Variants in TSC2 observed in about 807,000 individuals in gnomAD.
TSC2 encodes the protein TSC complex subunit 2, also known as tuberin.
Under a neutral mutation model 202.2 loss-of-function variants are expected in TSC2, and 29 were observed. The observed-to-expected ratio is 0.14, with a 90% CI of 0.11 to 0.20. TSC2 has a LOEUF of 0.20. TSC2 is among the 10% of genes least tolerant of loss of function. The pLI is 1.00. For missense variants in TSC2, 2,429 were observed against 2,420.0 expected (o/e 1.00, Z -0.08); for synonymous variants, 1,349 against 1,044.0 (o/e 1.29, Z -5.63).
rs2085660429 is a variant in TSC2 at position 2,055,442 on chromosome 16, G to A, written c.522G>A (p.Ser174=). ...AGTGGATGGATGTTGGCTTGTCCTC[G>A]GAATTCCTTCTGGTGCTGGTGAACT... ...VLQWMDVGLS[S]EFLLVLVNLV... The change falls in exon 6 of 42, where the codon TCG becomes TCA. Residue 174 remains serine, a synonymous_variant. Coordinates refer to ENST00000219476, the MANE Select transcript of TSC2 (RefSeq NM_000548.5). 6 of 1,614,070 alleles carry A rather than the reference G, an allele frequency of 3.7e-6. No individual in the cohort carries two copies. The highest frequency in any genetic ancestry group is 2.2e-5 in the East Asian group (1 of 44,892).
In TSC2 at chr16:2,077,537, G is replaced by A; in HGVS notation, c.2838-61G>A. 1.3e-5 allele frequency: 21 copies of A among 1,608,780 alleles called. No individual in the cohort carries two copies. The South Asian group carries it at 1.9e-4, about 14-fold the overall frequency. The stretch of plus-strand genomic sequence containing the variant: ...TTCCTCCTCACCCCTCCACTGGCTT[G>A]TTCTCCCCTTCCCGGGAGCTGGGCT... On this transcript the variant is annotated intron_variant, in intron 25 of 41. Coordinates refer to ENST00000219476, the MANE Select transcript of TSC2 (RefSeq NM_000548.5).
rs2086781035 is a variant in TSC2 at position 2,062,602 on chromosome 16, TA to T, written c.1361+3del. On this transcript the variant is annotated splice_donor_region_variant and intron_variant, in intron 13 of 41. Coordinates refer to ENST00000219476, the MANE Select transcript of TSC2 (RefSeq NM_000548.5). ...GGCGCTGATGGAGAGATTCTTCAGG[TA>T]GGGGGTCCTCTGTAGCCTTGCCTGG... The T allele has an allele frequency of 6.2e-7, 1 of 1,603,486 alleles. No homozygotes were observed. The highest frequency in any genetic ancestry group is 8.5e-7 in the Non-Finnish European group (1 of 1,174,638).
Position 2,080,147 on chromosome 16 carries a change from C to G in TSC2, c.3398-18C>G, listed in dbSNP as rs772159760. On this transcript the variant is annotated intron_variant, in intron 29 of 41. Transcript: ENST00000219476. ...ATCAGGTAAGTGGTGGTCACCAGTC[C>G]TCTGCCCTCTTCTTCAGGGGGCCAT... is the stretch of plus-strand genomic sequence containing the variant. 4 of 1,612,834 alleles carry G rather than the reference C, an allele frequency of 2.5e-6. No homozygotes were observed. Among genetic ancestry groups the G allele is most frequent in the Admixed American group, 1.7e-5 (1 of 60,036 alleles).
chr16:2,058,991 C>T, intron 10 of TSC2, 118 bp downstream of exon 10: 1 of 1,498,492 alleles, frequency 6.7e-7, no homozygotes, highest in South Asian at 1.2e-5. Context: ...CTAGGCCTTT[C>T]CAGGCAGTTG....
intron 19 of TSC2, 133 bp downstream of exon 19, chr16:2,072,067 C>G (rs1410436446): frequency 1.4e-5 from 21 of 1,480,812 alleles, no homozygotes; most frequent in Admixed American, 4.3e-5. Context: ...AGCCTTCCCC[C>G]TTCCCCGAGC....
chr16:2,050,593 T>G, intron 3 of TSC2, 107 bp downstream of exon 3: 1 of 869,134 alleles, frequency 1.2e-6, no homozygotes, highest in South Asian at 1.6e-5. Context: ...ATGATCTGGT[T>G]TGCACTTTTT....
chr16:2,065,784 A>G (rs2087268194), intron 16 of TSC2, 149 bp downstream of exon 16: 1 of 724,248 alleles, frequency 1.4e-6, no homozygotes, highest in African/African-American at 1.7e-5. Context: ...CAGGCAGCAG[A>G]ACCTTCCTCC....
intron 21 of TSC2, 100 bp downstream of exon 21, chr16:2,073,083 AGGCCAGGGATGAGTGAGTT>A (rs2088728782): frequency 6.4e-7 from 1 of 1,566,836 alleles, no homozygotes; most frequent in African/African-American, 1.4e-5. Flanking sequence ...AGTTTCTGCC[AGGCCAGGGATGAGTGAGTT>A]GGCTCTGCTT....
chr16:2,088,683 C>G lies in TSC2; in HGVS notation c.*73C>G. 6.6e-7 allele frequency: 1 copy of G among 1,522,338 alleles called. No individual in the cohort carries two copies. Among genetic ancestry groups the G allele is most frequent in the East Asian group, 2.4e-5 (1 of 41,034 alleles). 94.3% of individuals were successfully genotyped at this position (1,522,338 alleles called of 1,614,324 possible). Reference sequence around the variant, plus strand: ...AGTGAAATAAATAAAGTCCTGACCCCAGTGCACAGACATAGAGGCACAGAT... The same window carrying G: ...AGTGAAATAAATAAAGTCCTGACCCGAGTGCACAGACATAGAGGCACAGAT... On this transcript the variant is annotated 3_prime_UTR_variant, in exon 42 of 42. Coordinates refer to ENST00000219476, the MANE Select transcript of TSC2 (RefSeq NM_000548.5).
intron 1 of TSC2, 112 bp from the exon 2 acceptor site, chr16:2,048,475 A>G: frequency 7.4e-7 from 1 of 1,348,928 alleles, no homozygotes; most frequent in Non-Finnish European, 1.0e-6. Context: ...GGAGTGTGGG[A>G]GGAAAGGTTA....
At chr16:2,062,834 TG>T in intron 13 of TSC2, 137 bp from the exon 14 acceptor site, 1 of 1,047,038 alleles carries the variant, frequency 9.6e-7, no homozygotes, top group Non-Finnish European at 1.4e-6. Context: ...AGATGCTCCC[TG>T]GGAAGCAGAG....
At chr16:2,062,677 C>A (rs1472535760) in intron 13 of TSC2, 77 bp downstream of exon 13, 2 of 1,441,106 alleles carry the variant, frequency 1.4e-6, no homozygotes, top group East Asian at 2.5e-5. Flanking sequence ...CGGGCTGGGT[C>A]TCAGGATGCC....
intron 12 of TSC2, among the ~76,000 whole-genome samples, 190 bp downstream of exon 12, chr16:2,062,198 A>C (rs2151159822): frequency 6.6e-6 from 1 of 152,320 alleles, no homozygotes; most frequent in East Asian, 1.9e-4. Context: ...GGGCTAGCCC[A>C]CCCATCAGTT....
chr16:2,074,103 G>A (rs551174907), intron 21 of TSC2, 97 bp from the exon 22 acceptor site: 31 of 1,516,384 alleles, frequency 2.0e-5, no homozygotes, highest in African/African-American at 1.8e-4. Context: ...GCTAAGCCTC[G>A]GCTGTTCTCC....
chr16:2,088,652 C>T lies in TSC2; in HGVS notation c.*42C>T, dbSNP rs1567136020. 2 of 1,575,382 alleles carry T rather than the reference C, an allele frequency of 1.3e-6. No individual in the cohort carries two copies. Among genetic ancestry groups the T allele is most frequent in the Middle Eastern group, 1.7e-4 (1 of 6,038 alleles). Reference sequence around the variant, plus strand: ...CCTGCACTGGCCTTGGACGGTATTGCCTGTCAGTGAAATAAATAAAGTCCT... The same window carrying T: ...CCTGCACTGGCCTTGGACGGTATTGTCTGTCAGTGAAATAAATAAAGTCCT... On this transcript the variant is annotated 3_prime_UTR_variant, in exon 42 of 42. Transcript: ENST00000219476.
chr16:2,065,099 G>C, intron 15 of TSC2: 1 of 194,218 alleles, frequency 5.1e-6, no homozygotes, highest in Non-Finnish European at 1.0e-5. Context: ...GGACGACAGA[G>C]CAAGACTCTG....
At chr16:2,066,262 C>G (rs550251293) in intron 16 of TSC2, 2 of 154,972 alleles carry the variant, frequency 1.3e-5, no homozygotes, top group Non-Finnish European at 2.9e-5. Context: ...GATGGTAGAA[C>G]AGTTTCCTGT....
rs1460776110 is a variant in TSC2, at chr16:2,084,322, G to A, written c.4100G>A (p.Gly1367Asp). 2 of 1,612,738 alleles carry A rather than the reference G, an allele frequency of 1.2e-6. No individual in the cohort carries two copies. The highest frequency in any genetic ancestry group is 3.3e-5 in the Admixed American group (2 of 60,020). ...ATCGAGCGAGTCGTCTCCTCGGAGGGTGGCCGGCCCTCTGTGGACCTCTCC... is the reference window on the plus strand; with the variant it reads ...ATCGAGCGAGTCGTCTCCTCGGAGGATGGCCGGCCCTCTGTGGACCTCTCC... Reference protein sequence around the residue: ...IPIERVVSSEGGRPSVDLSFQ... With the variant: ...IPIERVVSSEDGRPSVDLSFQ... The change falls in exon 34 of 42, where the codon GGT becomes GAT. Residue 1367 changes from glycine to aspartate, a missense_variant. Physicochemically the swap from Gly to Asp is moderately conservative, Grantham distance 94. Coordinates refer to ENST00000219476, the MANE Select transcript of TSC2 (RefSeq NM_000548.5).
chr16:2,088,518 G>A lies in TSC2; in HGVS notation c.5332G>A (p.Ala1778Thr), dbSNP rs1245934608. Reference sequence around the variant, plus strand: ...CCCTCCGTCCCATAGCAAAGCCCCTGCACAGACTCCAGCCGAGCCCACACC... The same window carrying A: ...CCCTCCGTCCCATAGCAAAGCCCCTACACAGACTCCAGCCGAGCCCACACC... ...VHPPSHSKAPAQTPAEPTPGY... is the reference protein window; with the variant it reads ...VHPPSHSKAPTQTPAEPTPGY... The change falls in exon 42 of 42, where the codon GCA (alanine) becomes ACA (threonine). Residue 1778 changes from alanine to threonine, a missense_variant. Physicochemically the swap from Ala to Thr is moderately conservative, Grantham distance 58 (BLOSUM62 0). Transcript: ENST00000219476. The A allele has an allele frequency of 2.4e-5, 39 of 1,612,548 alleles. No homozygotes were observed. The highest frequency in any genetic ancestry group is 3.2e-5 in the Non-Finnish European group (38 of 1,179,996).
Sources: gnomAD v4.1 joint callset for allele counts (sites outside exome capture counted in the v4.1 genomes callset) on GRCh38, gnomAD v4.1.1 for gene constraint, MANE v1.5 for transcripts, NCBI Gene and HGNC (gene_info 2026-07-23, HGNC 2026-07-21) for gene names.